The following ASIC2 variants were observed in gnomAD, a reference collection of about 807,000 sequenced individuals.
ASIC2 encodes the protein acid-sensing ion channel 2.
Under a neutral mutation model 57.3 loss-of-function variants are expected in ASIC2, and 25 were observed. The ratio of observed to expected loss-of-function variants is 0.44; its 90% CI spans 0.32 to 0.61. The LOEUF is 0.61. Among genes scored for constraint, ASIC2 ranks in the 20% least tolerant of loss-of-function variants. The probability of loss-of-function intolerance (pLI) is 0.06; values close to 1 mark genes in which losing one functional copy is unlikely to be tolerated. For missense variants in ASIC2, 641 were observed against 738.1 expected, an observed-to-expected ratio of 0.87 and a Z score of 1.52; for synonymous variants, 319 against 307.5, an observed-to-expected ratio of 1.04 and a Z score of -0.39.
chr17:33,306,017 T>C (rs1258879961), intron 1 of ASIC2, among the ~76,000 whole-genome samples: 1 of 152,238 alleles, frequency 6.6e-6, no homozygotes, highest in Non-Finnish European at 1.5e-5. Context: ...ATGTTGTCGA[T>C]ATTTAGTCAT....
At chr17:33,299,500 A>G (rs529060342) in intron 1 of ASIC2, among the ~76,000 whole-genome samples, 1 of 150,360 alleles carries the variant, frequency 6.7e-6, no homozygotes, top group East Asian at 2.0e-4. Context: ...CCTTCCTTTC[A>G]TGTGCTTCAG....
At chr17:33,240,800 G>A (rs1908472604) in intron 1 of ASIC2, among the ~76,000 whole-genome samples, 1 of 152,134 alleles carries the variant, frequency 6.6e-6, no homozygotes, top group African/African-American at 2.4e-5. Flanking sequence ...CATAAATCAA[G>A]ATGCTCTTAG....
rs1905581156 is a variant in ASIC2 at position 33,293,244 on chromosome 17, G to A, written c.-1129C>T. Among the ~76,000 whole-genome samples the A allele has an allele frequency of 6.6e-6, 1 of 152,028 alleles. No individual in the cohort carries two copies. The highest frequency in any genetic ancestry group is 1.5e-5 in the Non-Finnish European group (1 of 67,970). On this transcript the variant is annotated 5_prime_UTR_variant, in exon 1 of 10. Transcript: ENST00000225823. ...CTTGGGCAGCGGCCGCGCGACGCTG[G>A]CGCGGCTGGGCTCCGAGCACCTGCT...
At chr17:33,405,759 G>C (rs1286110042) in intron 1 of ASIC2, among the ~76,000 whole-genome samples, 1 of 152,084 alleles carries the variant, frequency 6.6e-6, no homozygotes, top group Non-Finnish European at 1.5e-5. Context: ...TGGGATTACA[G>C]GCTTGAGCCA....
At chr17:34,095,208 G>C (rs552873423) in intron 1 of ASIC2, among the ~76,000 whole-genome samples, 14 of 152,194 alleles carry the variant, frequency 9.2e-5, no homozygotes, top group Non-Finnish European at 1.9e-4. Context: ...GAGGGTAGGG[G>C]ATAAAATGTG....
intron 1 of ASIC2, among the ~76,000 whole-genome samples, chr17:33,853,046 TCACC>T (rs1488336838): frequency 6.6e-6 from 1 of 152,172 alleles, no homozygotes; most frequent in Non-Finnish European, 1.5e-5. Context: ...ATGTACAGTC[TCACC>T]CACACAAGTG....
At chr17:33,687,257 T>C (rs1040010211) in intron 1 of ASIC2, among the ~76,000 whole-genome samples, 1 of 152,122 alleles carries the variant, frequency 6.6e-6, no homozygotes, top group Non-Finnish European at 1.5e-5. Flanking sequence ...CGGAGTGGCG[T>C]CAGTACCAGG....
At chr17:33,296,802 T>C (rs1905737832), upstream of ASIC2, among the ~76,000 whole-genome samples, 1 of 152,252 alleles carries the variant, frequency 6.6e-6, no homozygotes. Context: ...TTGTGTGGCT[T>C]GATCAGGTTT....
At chr17:34,036,273 C>A (rs535345372) in intron 1 of ASIC2, among the ~76,000 whole-genome samples, 1 of 147,886 alleles carries the variant, frequency 6.8e-6, no homozygotes, top group African/African-American at 2.5e-5. Flanking sequence ...ATCGCAAGGA[C>A]AAAAAACCAA....
At chr17:33,495,392 G>A (rs1913895717) in intron 1 of ASIC2, among the ~76,000 whole-genome samples, 1 of 152,150 alleles carries the variant, frequency 6.6e-6, no homozygotes, top group African/African-American at 2.4e-5. Flanking sequence ...CAAGTGCCAT[G>A]GCCAACTCCC....
At chr17:33,689,074 TCA>T (rs953615755) in intron 1 of ASIC2, 33 of 152,250 alleles carry the variant, frequency 2.2e-4, no homozygotes, top group African/African-American at 7.7e-4. Context: ...GAGAGTGATC[TCA>T]GAGTGCGAAG....
At chr17:33,509,778 C>A (rs1354171545) in intron 1 of ASIC2, among the ~76,000 whole-genome samples, 3 of 152,216 alleles carry the variant, frequency 2.0e-5, no homozygotes, top group African/African-American at 7.2e-5. Flanking sequence ...GAATATAGCC[C>A]TTGCCCAGGG....
chr17:33,675,405 G>C (rs1907787707), intron 1 of ASIC2, among the ~76,000 whole-genome samples: 1 of 152,104 alleles, frequency 6.6e-6, no homozygotes, highest in East Asian at 1.9e-4. Flanking sequence ...CGGGCCCCGT[G>C]ATCAGCTCCA....
chr17:34,136,961 G>A (rs973683992), intron 1 of ASIC2, among the ~76,000 whole-genome samples: 1 of 152,108 alleles, frequency 6.6e-6, no homozygotes, highest in African/African-American at 2.4e-5. Context: ...CCCTGGCCCT[G>A]GAAGATCCTC....
intron 1 of ASIC2, chr17:34,051,834 C>CAA: frequency 7.8e-6 from 1 of 128,550 alleles, no homozygotes; most frequent in Non-Finnish European, 1.6e-5. Flanking sequence ...CACACACACA[C>CAA]ACACACACAC....
At chr17:33,372,953 C>G (rs543000657) in intron 1 of ASIC2, among the ~76,000 whole-genome samples, 1 of 152,268 alleles carries the variant, frequency 6.6e-6, no homozygotes, top group African/African-American at 2.4e-5. Flanking sequence ...TTTTCTCTGA[C>G]CTCACATCTA....
At chr17:33,985,626 A>C (rs1905791162) in intron 1 of ASIC2, among the ~76,000 whole-genome samples, 2 of 152,138 alleles carry the variant, frequency 1.3e-5, no homozygotes, top group South Asian at 4.1e-4. Flanking sequence ...GCAGAGTGTA[A>C]TATGCTTAAG....
chr17:33,393,991 T>C lies in ASIC2; in HGVS notation c.556-281924A>G, dbSNP rs1400512034. ...TGTCTCTCTTTCCTTGTTTCCAAAG[T>C]GGGGATTAAATATGGAATCTATTTG... On this transcript the variant is annotated intron_variant, in intron 1 of 9. Coordinates refer to the ASIC2 transcript ENST00000359872. Among the ~76,000 whole-genome samples, 6 of 152,288 alleles carry C rather than the reference T, an allele frequency of 3.9e-5. No individual in the cohort carries two copies. The South Asian group carries it at 8.3e-4, about 21-fold the overall frequency.
chr17:33,739,443 C>CT (rs1468873483), intron 1 of ASIC2, among the ~76,000 whole-genome samples: 1 of 152,206 alleles, frequency 6.6e-6, no homozygotes, highest in Non-Finnish European at 1.5e-5. Flanking sequence ...GTAGCAGGCC[C>CT]TTGACAAGAA....
Sources: gnomAD v4.1 joint callset for allele counts (sites outside exome capture counted in the v4.1 genomes callset) on GRCh38, gnomAD v4.1.1 for gene constraint, MANE v1.5 for transcripts, NCBI Gene and HGNC (gene_info 2026-07-23, HGNC 2026-07-21) for gene names.